SLC26A3: variants seen among roughly 807,000 people sequenced by gnomAD.
The protein encoded by SLC26A3 is chloride anion exchanger.
A neutral mutation model predicts 85.6 loss-of-function variants in SLC26A3; 64 were observed. The ratio of observed to expected loss-of-function variants is 0.75; its 90% confidence interval spans 0.61 to 0.92. SLC26A3 has a LOEUF of 0.92. Ranked by LOEUF, SLC26A3 falls within the 40% of genes least tolerant of loss-of-function variation. SLC26A3 has a pLI of 0.00. For synonymous variants in SLC26A3, 349 were observed against 336.0 expected (o/e 1.04, Z -0.42); for missense variants, 922 against 927.3 (o/e 0.99, Z 0.07).
chr7:107,770,360 G>A (rs534661914), intron 18 of SLC26A3, among the ~76,000 whole-genome samples: 43 of 146,796 alleles, frequency 2.9e-4, no homozygotes, highest in Non-Finnish European at 4.3e-4. Context: ...AGGCTCAAGC[G>A]ATCCTTCCAT....
chr7:107,793,608 G>A (rs1228704747), intron 3 of SLC26A3, 134 bp downstream of exon 3: 7 of 679,032 alleles, frequency 1.0e-5, no homozygotes, highest in South Asian at 1.9e-5. Flanking sequence ...AGGGGTTGGT[G>A]GTGGTGAAAA....
chr7:107,795,139 A>G (rs1417567365), intron 1 of SLC26A3, among the ~76,000 whole-genome samples: 1 of 152,232 alleles, frequency 6.6e-6, no homozygotes, highest in Non-Finnish European at 1.5e-5. Context: ...AAACTATGAA[A>G]CAAACTAAAT....
chr7:107,773,343 A>C (rs898421249), intron 17 of SLC26A3, among the ~76,000 whole-genome samples: 4 of 152,220 alleles, frequency 2.6e-5, no homozygotes, highest in African/African-American at 9.6e-5. Context: ...TTGAAATTTG[A>C]AAGGAATGTG....
At chr7:107,777,078 T>A (rs151166727) in intron 13 of SLC26A3, among the ~76,000 whole-genome samples, 2 of 152,206 alleles carry the variant, frequency 1.3e-5, no homozygotes, top group Non-Finnish European at 2.9e-5. Flanking sequence ...TTTGTCTCTA[T>A]GTTTGATGGG....
intron 1 of SLC26A3, among the ~76,000 whole-genome samples, chr7:107,801,101 C>T (rs1425592092): frequency 6.6e-6 from 1 of 152,154 alleles, no homozygotes; most frequent in Non-Finnish European, 1.5e-5. Context: ...CACTTTTCTT[C>T]CTTGAGTATT....
rs374432410 is a variant in SLC26A3 at position 107,779,785 on chromosome 7, G to A, written c.1312-22C>T. On this transcript the variant is annotated intron_variant, in intron 11 of 20. Transcript: ENST00000340010. ...CGGACTGTGAAAAACACAAACATCAGATGTACTTTAAGTTAATGAAATAAA... is the reference window on the plus strand; with the variant it reads ...CGGACTGTGAAAAACACAAACATCAAATGTACTTTAAGTTAATGAAATAAA... 31 of 1,586,004 alleles carry A rather than the reference G, an allele frequency of 2.0e-5. No homozygotes were observed. In the African/African-American group the frequency reaches 3.4e-4, roughly 17 times the overall value.
At chr7:107,782,770 A>C in intron 11 of SLC26A3, 27 bp downstream of exon 11, 3 of 1,599,688 alleles carry the variant, frequency 1.9e-6, no homozygotes, top group Non-Finnish European at 2.6e-6. Context: ...CACTAAAAGT[A>C]GAGATGCTAT....
intron 12 of SLC26A3, among the ~76,000 whole-genome samples, chr7:107,779,038 TA>T (rs1794175639): frequency 6.6e-6 from 1 of 152,186 alleles, no homozygotes; most frequent in South Asian, 2.1e-4. Context: ...ACTAATGTTT[TA>T]CTCTTGGTCT....
At chr7:107,795,843 C>T (rs71566742) in intron 1 of SLC26A3, among the ~76,000 whole-genome samples, 4 of 151,962 alleles carry the variant, frequency 2.6e-5, no homozygotes, top group Non-Finnish European at 4.4e-5. Context: ...CTTGTTACAC[C>T]GTGCCCTCAT....
At chr7:107,791,263 A>G in intron 4 of SLC26A3, 28 bp from the exon 5 acceptor site, 4 of 1,600,950 alleles carry the variant, frequency 2.5e-6, no homozygotes, top group Non-Finnish European at 3.4e-6. Flanking sequence ...AATCGTGGTC[A>G]GTATATGCCT....
intron 1 of SLC26A3, among the ~76,000 whole-genome samples, chr7:107,799,614 A>T (rs1396401064): frequency 2.0e-5 from 3 of 152,076 alleles, no homozygotes; most frequent in Non-Finnish European, 2.9e-5. Context: ...CTGGTCTCGA[A>T]CTCCTGGCCT....
intron 12 of SLC26A3, 52 bp from the exon 13 acceptor site, chr7:107,778,333 A>T (rs772714343): frequency 3.9e-6 from 4 of 1,026,560 alleles, no homozygotes; most frequent in Non-Finnish European, 3.0e-6. Flanking sequence ...TTAAAGTACA[A>T]TGTCGAGACG....
At chr7:107,802,092 A>AG (rs532785057) in intron 1 of SLC26A3, among the ~76,000 whole-genome samples, 2,233 of 125,074 alleles carry the variant, frequency 0.018, 48 homozygotes, top group African/African-American at 0.06. Flanking sequence ...AATCCGTCTC[A>AG]GAAAAAAAAA....
At chr7:107,768,021 T>G in intron 18 of SLC26A3, 113 bp from the exon 19 acceptor site, 1 of 941,078 alleles carries the variant, frequency 1.1e-6, no homozygotes, top group East Asian at 2.6e-5. Context: ...CATTGACATT[T>G]GGTTAAGTGT....
intron 17 of SLC26A3, among the ~76,000 whole-genome samples, 154 bp from the exon 18 acceptor site, chr7:107,772,262 TA>T (rs768357970): frequency 7.2e-5 from 11 of 152,128 alleles, no homozygotes; most frequent in Non-Finnish European, 1.5e-4. Flanking sequence ...ATACTAAAGT[TA>T]AAAACAAGGC....
chr7:107,795,828 A>G (rs1794486650), intron 1 of SLC26A3, among the ~76,000 whole-genome samples: 1 of 152,068 alleles, frequency 6.6e-6, no homozygotes. Flanking sequence ...CACACTAGAT[A>G]GTATCTTGTT....
intron 4 of SLC26A3, among the ~76,000 whole-genome samples, chr7:107,791,476 A>G (rs1273065816): frequency 2.0e-5 from 3 of 152,124 alleles, no homozygotes; most frequent in South Asian, 2.1e-4. Context: ...GTCAGGCGTG[A>G]TGGTGCATGC....
In SLC26A3 at chr7:107,793,890, A is replaced by G. The variant is rs2115886312; in HGVS notation, c.132-9T>C. ...CCTTTTGTGGGGAACAGCTGAAAACATGGAAAGCCACAGGTCAGTCAATTA... is the reference window on the plus strand; with the variant it reads ...CCTTTTGTGGGGAACAGCTGAAAACGTGGAAAGCCACAGGTCAGTCAATTA... On this transcript the variant is annotated splice_polypyrimidine_tract_variant and intron_variant, in intron 2 of 20. Transcript: ENST00000340010. The G allele has an allele frequency of 2.5e-6, 4 of 1,614,072 alleles. No homozygotes were observed. In the South Asian group the frequency reaches 4.4e-5, roughly 18 times the overall value.
intron 11 of SLC26A3, among the ~76,000 whole-genome samples, chr7:107,782,428 G>T (rs1562878161): frequency 6.6e-6 from 1 of 152,160 alleles, no homozygotes; most frequent in Non-Finnish European, 1.5e-5. Context: ...GTGGCTGGTA[G>T]GGCCATTCTC....
Sources: gnomAD v4.1 joint callset for allele counts (sites outside exome capture counted in the v4.1 genomes callset) on GRCh38, gnomAD v4.1.1 for gene constraint, MANE v1.5 for transcripts, NCBI Gene and HGNC (gene_info 2026-07-23, HGNC 2026-07-21) for gene names.